The following ZNF600 variants were observed in gnomAD, a reference collection of about 807,000 sequenced individuals.
The protein encoded by ZNF600 is zinc finger protein KR-ZNF1.
A neutral mutation model predicts 7.3 loss-of-function variants in ZNF600; 4 were observed. The ratio of observed to expected loss-of-function variants is 0.55; its 90% CI spans 0.27 to 1.25. ZNF600 has a LOEUF of 1.25. ZNF600 is among the 50% of genes most tolerant of loss of function. ZNF600 has a pLI of 0.12. For missense variants in ZNF600, 911 were observed against 922.1 expected (o/e 0.99, Z 0.16); for synonymous variants, 290 against 308.9 (o/e 0.94, Z 0.64).
chr19:52,813,289 C>CA, the ZNF600 span, among the ~76,000 whole-genome samples: 1 of 114,670 alleles, frequency 8.7e-6, no homozygotes, highest in African/African-American at 3.2e-5. Context: ...TGTGGAAGGA[C>CA]AGAGAATCCC....
At chr19:52,777,434 G>C (rs1600390705) in intron 2 of ZNF600, among the ~76,000 whole-genome samples, 1 of 152,168 alleles carries the variant, frequency 6.6e-6, no homozygotes, top group East Asian at 1.9e-4. Context: ...CCAGCAATTT[G>C]GGAGGCCAAG....
the ZNF600 span, among the ~76,000 whole-genome samples, chr19:52,815,165 A>C: frequency 0.062 from 9,024 of 144,402 alleles, 1,276 homozygotes; most frequent in African/African-American, 0.13. Context: ...CCGAAGAGGA[A>C]TCTTGCCTTG....
At chr19:52,794,239 CCGGT>C in the ZNF600 span, among the ~76,000 whole-genome samples, 22 of 152,264 alleles carry the variant, frequency 1.4e-4, no homozygotes, top group African/African-American at 5.3e-4. Context: ...TTTTTCCATT[CCGGT>C]ATTTGTGGGT....
upstream of ZNF600, among the ~76,000 whole-genome samples, chr19:52,787,993 G>A (rs536886369): frequency 6.6e-6 from 1 of 152,166 alleles, no homozygotes; most frequent in Admixed American, 6.5e-5. Context: ...TAGATTCTCT[G>A]ATCTGATCCA....
chr19:52,802,423 T>A, the ZNF600 span, among the ~76,000 whole-genome samples: 3,215 of 151,922 alleles, frequency 0.021, 122 homozygotes, highest in African/African-American at 0.074. Context: ...CTCATGCCTG[T>A]AATCCCAGTA....
At chr19:52,800,899 T>C in the ZNF600 span, 1 of 1,614,122 alleles carries the variant, frequency 6.2e-7, no homozygotes. Flanking sequence ...ATCTTATGTG[T>C]TTCAAGGTGT....
chr19:52,810,322 G>T, the ZNF600 span: 8 of 1,596,636 alleles, frequency 5.0e-6, no homozygotes, highest in East Asian at 1.6e-4. Flanking sequence ...ATCAATGCTG[G>T]CAATGTGGAC....
In ZNF600 at chr19:52,766,910, AG is replaced by A. The variant is rs766560036; in HGVS notation, c.1052del (p.Ala351ValfsTer121). 2.3e-5 allele frequency: 37 copies of A among 1,614,020 alleles called. No individual in the cohort carries two copies. ...GTGCAAGGTTTGATTGCTGATTAAAAGCTTTGTCACATTCATTACACTTGTA... is the reference window on the plus strand; with the variant it reads ...GTGCAAGGTTTGATTGCTGATTAAAACTTTGTCACATTCATTACACTTGTA... On this transcript the variant is annotated frameshift_variant, in exon 4 of 4. Transcript: ENST00000648973. LOFTEE classifies it low-confidence loss of function (END_TRUNC).
At chr19:52,801,029 C>A in the ZNF600 span, 1 of 1,613,938 alleles carries the variant, frequency 6.2e-7, no homozygotes, top group Non-Finnish European at 8.5e-7. Context: ...ACTCATTACA[C>A]TTGTAAGGTT....
At chr19:52,816,839 A>ATAG in the ZNF600 span, among the ~76,000 whole-genome samples, 10 of 141,678 alleles carry the variant, frequency 7.1e-5, no homozygotes, top group African/African-American at 2.5e-4. Flanking sequence ...TCAGAAAATA[A>ATAG]TAATAATAAT....
At chr19:52,797,336 C>T in the ZNF600 span, 1 of 152,348 alleles carries the variant, frequency 6.6e-6, no homozygotes, top group East Asian at 1.9e-4. Flanking sequence ...TGCTCTCACC[C>T]TTTCTATTCA....
the ZNF600 span, among the ~76,000 whole-genome samples, chr19:52,803,227 C>T: frequency 8.6e-3 from 1,306 of 152,164 alleles, 7 homozygotes; most frequent in South Asian, 0.026. Flanking sequence ...CAGGCACATG[C>T]CACTGTGCCC....
chr19:52,798,348 A>G, the ZNF600 span: 3 of 340,040 alleles, frequency 8.8e-6, no homozygotes, highest in East Asian at 2.6e-4. Context: ...CTTAAACTCA[A>G]TGTTAAGTCA....
At chr19:52,784,894 AT>A (rs911954878) in intron 1 of ZNF600, among the ~76,000 whole-genome samples, 11 of 150,204 alleles carry the variant, frequency 7.3e-5, no homozygotes, top group African/African-American at 2.4e-4. Context: ...ACCCGGTTAA[AT>A]TTTTTTTTTC....
intron 2 of ZNF600, among the ~76,000 whole-genome samples, chr19:52,776,461 G>C (rs2062676181): frequency 6.6e-6 from 1 of 151,186 alleles, no homozygotes; most frequent in South Asian, 2.1e-4. Context: ...GCACAGGCTA[G>C]AGTGCAGTGG....
chr19:52,804,154 A>G, the ZNF600 span, among the ~76,000 whole-genome samples: 2,588 of 152,294 alleles, frequency 0.017, 81 homozygotes, highest in African/African-American at 0.059. Flanking sequence ...ATTAGGACAC[A>G]GCAGGAATAT....
chr19:52,811,153 C>A, the ZNF600 span, among the ~76,000 whole-genome samples: 1 of 150,874 alleles, frequency 6.6e-6, no homozygotes, highest in African/African-American at 2.4e-5. Context: ...CTCGGCCTCC[C>A]GAGGTGCCGG....
the ZNF600 span, among the ~76,000 whole-genome samples, chr19:52,812,247 G>C: frequency 8.7e-5 from 12 of 137,570 alleles, 2 homozygotes; most frequent in African/African-American, 2.3e-4. Context: ...GCCCGGCCAC[G>C]ACCCCGTCTG....
At chr19:52,773,632 G>A (rs1346981738) in intron 3 of ZNF600, among the ~76,000 whole-genome samples, 3 of 152,096 alleles carry the variant, frequency 2.0e-5, no homozygotes, top group African/African-American at 7.2e-5. Flanking sequence ...AGCTCATTAG[G>A]AGGATGGATG....
Sources: allele counts gnomAD v4.1 joint callset (sites outside exome capture counted in the v4.1 genomes callset), GRCh38; gene constraint gnomAD v4.1.1; transcripts MANE v1.5; gene names NCBI Gene and HGNC (gene_info 2026-07-23, HGNC 2026-07-21).